SEMA3C: variants seen among roughly 807,000 people sequenced by gnomAD.
The protein encoded by SEMA3C is semaphorin 3C.
SEMA3C carries 47 observed loss-of-function variants against 89.4 expected under a neutral mutation model. The observed-to-expected ratio is 0.53, with a 90% CI of 0.42 to 0.67. The LOEUF is 0.67. SEMA3C is among the 30% of genes least tolerant of loss of function. The pLI is 0.00. For synonymous variants in SEMA3C, 310 were observed against 320.2 expected (o/e 0.97, Z 0.34); for missense variants, 839 against 929.1 (o/e 0.90, Z 1.26).
chr7:80,760,097 G>A (rs1388526705), intron 14 of SEMA3C, among the ~76,000 whole-genome samples: 1 of 152,134 alleles, frequency 6.6e-6, no homozygotes, highest in East Asian at 1.9e-4. Context: ...ATACACATAA[G>A]ATGTCATTAA....
At chr7:80,798,869 G>A (rs1319162960) in intron 10 of SEMA3C, among the ~76,000 whole-genome samples, 1 of 152,044 alleles carries the variant, frequency 6.6e-6, no homozygotes, top group Admixed American at 6.5e-5. Context: ...TTGTCCTATG[G>A]CAGGTTGGCT....
chr7:80,841,928 A>G (rs571382555), intron 2 of SEMA3C, among the ~76,000 whole-genome samples: 15 of 152,306 alleles, frequency 9.8e-5, no homozygotes, highest in Non-Finnish European at 4.4e-5. Context: ...AAACAAAAAA[A>G]CAAGTCTGCA....
chr7:80,867,087 A>C (rs1790944688), intron 2 of SEMA3C, among the ~76,000 whole-genome samples: 1 of 152,206 alleles, frequency 6.6e-6, no homozygotes, highest in African/African-American at 2.4e-5. Flanking sequence ...TTAAATATAC[A>C]AAATACACAA....
chr7:80,789,310 T>G lies in SEMA3C; in HGVS notation c.1350A>C (p.Gly450=). ...ATCTTGGGCTCAAATATTTACCTGT[T>G]CCGAGAAACAGGACATGGTATCTCC... ...ADGRYHVLFL[G]TDRGTVQKVV... is the part of the protein sequence containing the mutation. The change falls in exon 12 of 18, where the codon GGA becomes GGC. Residue 450 remains glycine (G), a synonymous_variant. Coordinates refer to ENST00000265361, the MANE Select transcript of SEMA3C (RefSeq NM_006379.5). The G allele has an allele frequency of 2.5e-6, 4 of 1,612,732 alleles. No individual in the cohort carries two copies. The highest frequency in any genetic ancestry group is 3.4e-6 in the Non-Finnish European group (4 of 1,179,122).
intron 2 of SEMA3C, among the ~76,000 whole-genome samples, chr7:80,879,827 AG>A (rs1168710357): frequency 2.0e-5 from 3 of 152,194 alleles, no homozygotes; most frequent in African/African-American, 7.2e-5. Flanking sequence ...ATTTAAAATT[AG>A]TTTGAACAAG....
chr7:80,791,346 T>G (rs1788936554), intron 11 of SEMA3C, among the ~76,000 whole-genome samples: 1 of 152,212 alleles, frequency 6.6e-6, no homozygotes, highest in African/African-American at 2.4e-5. Context: ...ACATTATTAC[T>G]ATTAATAATG....
At chr7:80,899,083 C>G (rs1219512011) in intron 2 of SEMA3C, among the ~76,000 whole-genome samples, 1 of 152,186 alleles carries the variant, frequency 6.6e-6, no homozygotes, top group African/African-American at 2.4e-5. Flanking sequence ...CTCTGTTGGC[C>G]AGGCTGAAGT....
At chr7:80,820,323 G>A (rs1789716889) in intron 4 of SEMA3C, among the ~76,000 whole-genome samples, 1 of 151,868 alleles carries the variant, frequency 6.6e-6, no homozygotes, top group Non-Finnish European at 1.5e-5. Flanking sequence ...GCCTCCCAAA[G>A]TGCTGGGATT....
intron 2 of SEMA3C, among the ~76,000 whole-genome samples, chr7:80,872,981 G>C (rs113654712): frequency 0.027 from 3,901 of 145,202 alleles, 139 homozygotes; most frequent in African/African-American, 0.088. Flanking sequence ...AACTAGTTTT[G>C]ACCTTGTGGA....
At chr7:80,799,667 C>A (rs562366503) in intron 10 of SEMA3C, among the ~76,000 whole-genome samples, 33 of 150,422 alleles carry the variant, frequency 2.2e-4, no homozygotes, top group African/African-American at 6.1e-4. Context: ...CATGGTGAAA[C>A]CCTGTCTCTA....
intron 11 of SEMA3C, chr7:80,793,503 AAGAT>A (rs1307653251): frequency 1.1e-5 from 5 of 451,438 alleles, no homozygotes; most frequent in Admixed American, 4.8e-5. Context: ...TCTAGTAAGA[AAGAT>A]AGACATATTC....
At chr7:80,919,145 T>A (rs6974781), upstream of SEMA3C, 984,567 of 984,720 alleles carry the variant, frequency 1, 492,207 homozygotes, top group Middle Eastern at 1. Context: ...CGCGCCGCCC[T>A]GCAGGCTCGC....
At chr7:80,749,327 A>C (rs1392568061) in intron 16 of SEMA3C, among the ~76,000 whole-genome samples, 7 of 152,166 alleles carry the variant, frequency 4.6e-5, no homozygotes, top group Admixed American at 2.6e-4. Flanking sequence ...TTGTTGACTT[A>C]ATTATTACAA....
chr7:80,854,914 T>C (rs1665903430), intron 2 of SEMA3C, among the ~76,000 whole-genome samples: 1 of 152,188 alleles, frequency 6.6e-6, no homozygotes, highest in African/African-American at 2.4e-5. Context: ...TATTTAGATA[T>C]TAGATAAGAT....
intron 12 of SEMA3C, among the ~76,000 whole-genome samples, chr7:80,787,974 A>G (rs1392312798): frequency 6.6e-6 from 1 of 152,222 alleles, no homozygotes; most frequent in African/African-American, 2.4e-5. Context: ...ACATTTTAGA[A>G]GATTCTCAGT....
Position 80,815,554 on chromosome 7 carries a change from C to CAAAAAAAAAAAAAAAAAAAAAA in SEMA3C, c.447+2744_447+2745insTTTTTTTTTTTTTTTTTTTTTT, listed in dbSNP as rs761990267. On this transcript the variant is annotated intron_variant, in intron 5 of 17. Coordinates refer to ENST00000265361, the MANE Select transcript of SEMA3C (RefSeq NM_006379.5). ...AAACCCAATCCTTTCTTTAAATGGGCAAAAAAAAAAAAAAAAAAAGTAAAT... is the reference window on the plus strand; with the variant it reads ...AAACCCAATCCTTTCTTTAAATGGGCAAAAAAAAAAAAAAAAAAAAAAAAAAAAAAAAAAAAAAAAAGTAAAT... Among the ~76,000 whole-genome samples, 74 of 58,838 alleles carry CAAAAAAAAAAAAAAAAAAAAAA rather than the reference C, an allele frequency of 1.3e-3. 3 individuals carry two copies. Among genetic ancestry groups the CAAAAAAAAAAAAAAAAAAAAAA allele is most frequent in the East Asian group, 7.4e-3 (10 of 1,358 alleles). 38.6% of individuals were successfully genotyped at this position (58,838 alleles called of 152,430 possible). A position where few individuals can be genotyped will look rare whatever the true frequency, so the allele number is the denominator to read the frequency against.
At chr7:80,877,073 C>T (rs189655453) in intron 2 of SEMA3C, among the ~76,000 whole-genome samples, 8 of 152,268 alleles carry the variant, frequency 5.3e-5, no homozygotes, top group South Asian at 4.1e-4. Flanking sequence ...CACTAGTTAA[C>T]GATAAGTGGT....
intron 5 of SEMA3C, among the ~76,000 whole-genome samples, chr7:80,811,550 G>GT (rs1221140048): frequency 1.3e-5 from 2 of 149,986 alleles, no homozygotes; most frequent in Non-Finnish European, 3.0e-5. Flanking sequence ...AAAATTCAAA[G>GT]TAAAAAAAAA....
intron 2 of SEMA3C, among the ~76,000 whole-genome samples, chr7:80,914,316 T>C (rs1229511330): frequency 6.6e-6 from 1 of 152,134 alleles, no homozygotes; most frequent in Non-Finnish European, 1.5e-5. Context: ...CTTAAAAACC[T>C]ACTTGGTACA....
Sources: allele counts gnomAD v4.1 joint callset (sites outside exome capture counted in the v4.1 genomes callset), GRCh38; gene constraint gnomAD v4.1.1; transcripts MANE v1.5; gene names NCBI Gene and HGNC (gene_info 2026-07-23, HGNC 2026-07-21).